Variants in ERG observed in about 807,000 individuals in gnomAD.
ERG encodes the protein ETS transcription factor ERG.
ERG carries 9 observed loss-of-function variants against 55.3 expected under a neutral mutation model. The ratio of observed to expected loss-of-function variants is 0.16; its 90% CI spans 0.10 to 0.28. The LOEUF is 0.28. Among genes scored for constraint, ERG ranks in the 10% least tolerant of loss-of-function variants. ERG has a pLI of 1.00. For synonymous variants in ERG, 223 were observed against 237.3 expected (o/e 0.94, Z 0.55); for missense variants, 434 against 631.6 (o/e 0.69, Z 3.35).
intron 1 of ERG, among the ~76,000 whole-genome samples, chr21:38,447,509 A>C (rs1254505748): frequency 6.9e-6 from 1 of 144,232 alleles, no homozygotes; most frequent in Admixed American, 7.0e-5. Flanking sequence ...GTGACACAGA[A>C]GTTGACAGTA....
chr21:38,614,201 C>G (rs1255419402), intron 1 of ERG, among the ~76,000 whole-genome samples: 1 of 152,144 alleles, frequency 6.6e-6, no homozygotes, highest in Non-Finnish European at 1.5e-5. Context: ...GTAGGAGAAA[C>G]AGTTGTTTCC....
intron 2 of ERG, among the ~76,000 whole-genome samples, chr21:38,559,809 T>C (rs1359389287): frequency 6.6e-6 from 1 of 152,194 alleles, no homozygotes; most frequent in African/African-American, 2.4e-5. Flanking sequence ...GTCTCCCAAG[T>C]AGCTGGGATT....
intron 1 of ERG, among the ~76,000 whole-genome samples, chr21:38,491,959 A>G: frequency 7.7e-6 from 1 of 129,632 alleles, no homozygotes; most frequent in Non-Finnish European, 1.8e-5. Flanking sequence ...GAGTATAAGA[A>G]TTGCTGCCTA....
At chr21:38,588,203 G>A (rs2060078173), upstream of ERG, among the ~76,000 whole-genome samples, 1 of 152,184 alleles carries the variant, frequency 6.6e-6, no homozygotes, top group Non-Finnish European at 1.5e-5. Context: ...CAAAAATACA[G>A]TCGTTTGAGA....
intron 2 of ERG, among the ~76,000 whole-genome samples, chr21:38,559,744 C>T (rs1417001251): frequency 3.3e-5 from 5 of 152,128 alleles, no homozygotes; most frequent in Non-Finnish European, 5.9e-5. Context: ...TGCCATGGCA[C>T]GGTCTTGGCT....
chr21:38,542,341 A>AT (rs1289458539), intron 2 of ERG, among the ~76,000 whole-genome samples: 1 of 152,088 alleles, frequency 6.6e-6, no homozygotes, highest in Admixed American at 6.6e-5. Flanking sequence ...ATGTCCTGTG[A>AT]TTTTTCAACA....
intron 3 of ERG, among the ~76,000 whole-genome samples, chr21:38,423,083 T>TTG (rs1989618312): frequency 1.1e-5 from 1 of 90,704 alleles, no homozygotes; most frequent in Non-Finnish European, 2.2e-5. Flanking sequence ...TCTCCATACG[T>TTG]AGTGTGTGTG....
intron 1 of ERG, among the ~76,000 whole-genome samples, chr21:38,487,669 C>T (rs2059298926): frequency 1.3e-5 from 2 of 152,178 alleles, no homozygotes; most frequent in Admixed American, 6.5e-5. Context: ...CAGGAGGTAG[C>T]ACCTGTAAGG....
chr21:38,449,268 G>A (rs2058919603), intron 1 of ERG, among the ~76,000 whole-genome samples: 1 of 152,124 alleles, frequency 6.6e-6, no homozygotes, highest in Non-Finnish European at 1.5e-5. Context: ...GTTTTTTTCT[G>A]TAGCTCCAGG....
chr21:38,644,743 G>A (rs915264105), intron 1 of ERG, among the ~76,000 whole-genome samples: 6 of 152,110 alleles, frequency 3.9e-5, no homozygotes, highest in Admixed American at 3.9e-4. Context: ...TATTAAAATT[G>A]AGCCAAGCAG....
At chr21:38,593,174 C>T (rs2060111298) in intron 1 of ERG, among the ~76,000 whole-genome samples, 1 of 152,202 alleles carries the variant, frequency 6.6e-6, no homozygotes, top group African/African-American at 2.4e-5. Context: ...GCGCCATGTC[C>T]CTCAGTGTGG....
At chr21:38,387,681 C>G (rs1430640075) in intron 9 of ERG, among the ~76,000 whole-genome samples, 1 of 152,090 alleles carries the variant, frequency 6.6e-6, no homozygotes, top group Admixed American at 6.5e-5. Context: ...CCAGGAAATG[C>G]CTAAAGAAAG....
At chr21:38,493,619 C>T (rs1421255745) in intron 1 of ERG, among the ~76,000 whole-genome samples, 1 of 152,106 alleles carries the variant, frequency 6.6e-6, no homozygotes, top group East Asian at 1.9e-4. Context: ...CTGTTCCTGC[C>T]CTAACCAGGA....
intron 2 of ERG, among the ~76,000 whole-genome samples, chr21:38,543,221 C>T (rs992283406): frequency 9.2e-5 from 14 of 152,064 alleles, no homozygotes; most frequent in Non-Finnish European, 1.5e-4. Flanking sequence ...TGGTCATCTC[C>T]AGGTTAAGTA....
intron 2 of ERG, among the ~76,000 whole-genome samples, chr21:38,573,288 C>G (rs942103003): frequency 1.3e-5 from 2 of 152,318 alleles, no homozygotes; most frequent in Admixed American, 6.5e-5. Flanking sequence ...GACTGTCCCC[C>G]AGCCCGACAC....
intron 2 of ERG, among the ~76,000 whole-genome samples, chr21:38,425,709 A>G (rs1263162955): frequency 9.9e-5 from 15 of 152,226 alleles, no homozygotes; most frequent in Admixed American, 8.5e-4. Context: ...ATCCACGCCA[A>G]TGAAGCCTCA....
intron 3 of ERG, among the ~76,000 whole-genome samples, chr21:38,414,093 A>G (rs1306589308): frequency 6.6e-6 from 1 of 152,188 alleles, no homozygotes; most frequent in Non-Finnish European, 1.5e-5. Flanking sequence ...GCTCCATCCG[A>G]GACTGTGGAT....
In ERG at chr21:38,579,397, G is replaced by A. The variant is rs74985640; in HGVS notation, c.-126-3650C>T. The stretch of plus-strand genomic sequence containing the variant: ...CCTGATCCTTGAGGGATCGAGATGG[G>A]AAACAGATCTGTTTCATACAGATAT... On this transcript the variant is annotated intron_variant, in intron 1 of 8. Coordinates refer to the ERG transcript ENST00000398897. 7.7e-3 allele frequency among the ~76,000 whole-genome samples: 1,174 copies of A among 152,270 alleles called. 33 individuals are homozygous for A. The highest frequency in any genetic ancestry group is 0.055 in the East Asian group (287 of 5,172).
intron 1 of ERG, among the ~76,000 whole-genome samples, chr21:38,469,753 CTA>C (rs1429158119): frequency 6.6e-6 from 1 of 152,192 alleles, no homozygotes; most frequent in Non-Finnish European, 1.5e-5. Flanking sequence ...GGTTTATTGT[CTA>C]TGTTAATAAA....
Sources: allele counts gnomAD v4.1 joint callset (sites outside exome capture counted in the v4.1 genomes callset), GRCh38; gene constraint gnomAD v4.1.1; transcripts MANE v1.5; gene names NCBI Gene and HGNC (gene_info 2026-07-23, HGNC 2026-07-21).